SUSD1: variants seen among roughly 807,000 people sequenced by gnomAD.
SUSD1 encodes the protein sushi domain containing 1.
A neutral mutation model predicts 86.9 loss-of-function variants in SUSD1; 65 were observed. The ratio of observed to expected loss-of-function variants is 0.75; its 90% CI spans 0.61 to 0.92. The LOEUF (loss-of-function observed/expected upper bound fraction) is 0.92, where lower values mean the gene tolerates loss of function less well. SUSD1 is among the 40% of genes least tolerant of loss of function. The pLI is 0.00. For synonymous variants in SUSD1, 346 were observed against 350.0 expected (o/e 0.99, Z 0.13); for missense variants, 850 against 929.7 (o/e 0.91, Z 1.11).
At chr9:112,141,428 G>A (rs10981275) in intron 5 of SUSD1, among the ~76,000 whole-genome samples, 22,749 of 152,150 alleles carry the variant, frequency 0.15, 2,264 homozygotes, top group East Asian at 0.42. Flanking sequence ...TGTAATCCCA[G>A]CACTGTGGGA....
chr9:112,063,123 A>G (rs904913431), intron 12 of SUSD1, 90 bp from the exon 13 acceptor site: 18 of 782,790 alleles, frequency 2.3e-5, no homozygotes, highest in Middle Eastern at 4.7e-4. Flanking sequence ...TATCAAAAAG[A>G]AAGTTTTAAT....
chr9:112,164,103 A>C (rs1252454975), intron 1 of SUSD1, among the ~76,000 whole-genome samples: 1 of 152,226 alleles, frequency 6.6e-6, no homozygotes, highest in African/African-American at 2.4e-5. Context: ...AAAAAATATG[A>C]AGAAGAAAAG....
intron 5 of SUSD1, among the ~76,000 whole-genome samples, chr9:112,129,853 A>G (rs1831939060): frequency 6.6e-6 from 1 of 152,232 alleles, no homozygotes; most frequent in Non-Finnish European, 1.5e-5. Context: ...GATGCAATAA[A>G]TGCTGCTACG....
intron 2 of SUSD1, among the ~76,000 whole-genome samples, chr9:112,152,157 C>T (rs1301991705): frequency 2.7e-5 from 4 of 149,964 alleles, no homozygotes; most frequent in South Asian, 4.2e-4. Flanking sequence ...GAGCCGAGAT[C>T]GCGCCATTGC....
At chr9:112,141,000 G>T (rs1832539343) in intron 5 of SUSD1, among the ~76,000 whole-genome samples, 1 of 152,158 alleles carries the variant, frequency 6.6e-6, no homozygotes, top group African/African-American at 2.4e-5. Context: ...ATAAAAAAAT[G>T]ATACACCTGT....
At position 112,154,653 on chromosome 9, in the gene SUSD1, A is replaced by T. The variant is rs142129146; in HGVS notation, c.217+2847T>A. On this transcript the variant is annotated intron_variant, in intron 2 of 16. Transcript: ENST00000374270. ...AACACTATCCAGTGGTTTTAGAAACAAGTCCAGCTGTCCATAAAATGGAAT... is the reference window on the plus strand; with the variant it reads ...AACACTATCCAGTGGTTTTAGAAACTAGTCCAGCTGTCCATAAAATGGAAT... Among the ~76,000 whole-genome samples, 772 of 152,302 alleles carry T rather than the reference A, an allele frequency of 5.1e-3. 10 individuals carry two copies. Among genetic ancestry groups the T allele is most frequent in the African/African-American group, 0.018 (745 of 41,560 alleles).
Position 112,165,852 on chromosome 9 carries a change from GA to G in SUSD1, c.104-8240del, listed in dbSNP as rs1564357658. On this transcript the variant is annotated intron_variant, in intron 1 of 16. Transcript: ENST00000374270. ...AGAAAGAGAAAGAAAGAAAGAGAAA[GA>G]GAAGGAAGGAAGGAAGGAAGAAAGA... Among the ~76,000 whole-genome samples the G allele has an allele frequency of 1.9e-3, 254 of 132,302 alleles. 1 individual carries two copies. The highest frequency in any genetic ancestry group is 7.2e-3 in the African/African-American group (245 of 34,134). 86.8% of individuals were successfully genotyped at this position (132,302 alleles called of 152,430 possible).
chr9:112,155,988 GAA>G (rs1051106499), intron 2 of SUSD1, among the ~76,000 whole-genome samples: 4 of 150,782 alleles, frequency 2.7e-5, no homozygotes, highest in Non-Finnish European at 4.4e-5. Flanking sequence ...GAGAAAGAAA[GAA>G]AGAGAGAAAG....
intron 5 of SUSD1, among the ~76,000 whole-genome samples, chr9:112,140,542 G>A (rs1832520190): frequency 6.6e-6 from 1 of 151,128 alleles, no homozygotes. Flanking sequence ...GAAAAGAAAA[G>A]AAAGGAAAAA....
intron 1 of SUSD1, among the ~76,000 whole-genome samples, chr9:112,170,710 T>TATATATATATAGAGAGAG (rs758442726): frequency 3.2e-4 from 36 of 113,824 alleles, no homozygotes; most frequent in African/African-American, 1.2e-3. Flanking sequence ...TATATATATA[T>TATATATATATAGAGAGAG]AGAGAGAGAG....
intron 12 of SUSD1, among the ~76,000 whole-genome samples, chr9:112,075,152 C>T (rs570517932): frequency 6.6e-6 from 1 of 152,212 alleles, no homozygotes; most frequent in African/African-American, 2.4e-5. Flanking sequence ...AATAAGTCAC[C>T]ACAGAAAGAA....
intron 12 of SUSD1, among the ~76,000 whole-genome samples, chr9:112,071,825 G>A (rs924399375): frequency 3.3e-5 from 5 of 152,160 alleles, no homozygotes; most frequent in African/African-American, 1.2e-4. Flanking sequence ...AACACAGCAT[G>A]ATGGTTCTTT....
chr9:112,045,940 T>C (rs568886851), intron 15 of SUSD1, among the ~76,000 whole-genome samples: 50 of 152,206 alleles, frequency 3.3e-4, no homozygotes, highest in Non-Finnish European at 5.6e-4. Flanking sequence ...AAAAGCTAAG[T>C]AGGAGTTAAG....
At chr9:112,165,851 A>AGG (rs1833765482) in intron 1 of SUSD1, among the ~76,000 whole-genome samples, 3 of 138,156 alleles carry the variant, frequency 2.2e-5, no homozygotes, top group African/African-American at 8.2e-5. Context: ...AGAAAGAGAA[A>AGG]GAGAAGGAAG....
intron 12 of SUSD1, among the ~76,000 whole-genome samples, chr9:112,074,295 T>C (rs1424640416): frequency 1.3e-5 from 2 of 152,178 alleles, no homozygotes; most frequent in Non-Finnish European, 2.9e-5. Flanking sequence ...GCATCAAGGA[T>C]GAAAGTTTGT....
At chr9:112,103,043 C>A in intron 8 of SUSD1, 1 of 357,646 alleles carries the variant, frequency 2.8e-6, no homozygotes, top group Non-Finnish European at 5.6e-6. Context: ...CAAGAAAAAG[C>A]AAATTTCCCA....
chr9:112,108,793 A>G (rs1830958923), intron 8 of SUSD1, among the ~76,000 whole-genome samples: 1 of 143,360 alleles, frequency 7.0e-6, no homozygotes. Context: ...AAAAAAAAAG[A>G]AAAAAAAGAA....
At chr9:112,072,618 A>G (rs1021474432) in intron 12 of SUSD1, among the ~76,000 whole-genome samples, 9 of 152,282 alleles carry the variant, frequency 5.9e-5, no homozygotes, top group Admixed American at 5.9e-4. Context: ...TGAGATTCAG[A>G]TGCTGGTAGC....
In SUSD1 at chr9:112,058,878, C is replaced by A. The variant is rs544401963; in HGVS notation, c.1851-192G>T. ...GTGCAATCTCGGCTCACTGCAACCT[C>A]CATCTCCCAGGTTCAAGCAATTCTC... On this transcript the variant is annotated intron_variant, in intron 13 of 16. Transcript: ENST00000374270. Among the ~76,000 whole-genome samples the A allele has an allele frequency of 5.3e-5, 8 of 152,248 alleles. No homozygotes were observed. In the South Asian group the frequency reaches 1.7e-3, roughly 32 times the overall value.
Sources: allele counts gnomAD v4.1 joint callset (sites outside exome capture counted in the v4.1 genomes callset), GRCh38; gene constraint gnomAD v4.1.1; transcripts MANE v1.5; gene names NCBI Gene and HGNC (gene_info 2026-07-23, HGNC 2026-07-21).